Variants in SEZ6L observed in about 807,000 individuals in gnomAD.
SEZ6L encodes the protein seizure 6-like protein.
SEZ6L carries 37 observed loss-of-function variants against 106.2 expected under a neutral mutation model. The observed-to-expected ratio is 0.35, with a 90% CI of 0.27 to 0.46. The LOEUF is 0.46. Ranked by LOEUF, SEZ6L falls within the 20% of genes least tolerant of loss-of-function variation. The pLI, the probability that SEZ6L is intolerant of heterozygous loss-of-function variation, is 1.00. For synonymous variants in SEZ6L, 541 were observed against 570.4 expected, an observed-to-expected ratio of 0.95 and a Z score of 0.73; for missense variants, 1,172 against 1,332.8, an observed-to-expected ratio of 0.88 and a Z score of 1.88.
At chr22:26,242,328 T>C (rs1008711094) in intron 1 of SEZ6L, among the ~76,000 whole-genome samples, 2 of 152,238 alleles carry the variant, frequency 1.3e-5, no homozygotes, top group African/African-American at 2.4e-5. Flanking sequence ...TCATTCTGTA[T>C]GAGGCACACT....
At chr22:26,186,881 C>T (rs573592614) in intron 1 of SEZ6L, among the ~76,000 whole-genome samples, 1 of 152,030 alleles carries the variant, frequency 6.6e-6, no homozygotes, top group Non-Finnish European at 1.5e-5. Context: ...TGCTTAGGAG[C>T]ACGGGAGGGG....
chr22:26,306,295 A>G (rs1042651471), intron 6 of SEZ6L, 151 bp downstream of exon 6: 6 of 813,052 alleles, frequency 7.4e-6, no homozygotes, highest in African/African-American at 7.0e-5. Context: ...CTTAGACACC[A>G]TCAGCTTCAA....
At chr22:26,371,551 G>A (rs1419065926) in intron 13 of SEZ6L, among the ~76,000 whole-genome samples, 1 of 152,042 alleles carries the variant, frequency 6.6e-6, no homozygotes, top group African/African-American at 2.4e-5. Context: ...AGAATCGCTT[G>A]AAACCGGGAG....
intron 12 of SEZ6L, among the ~76,000 whole-genome samples, chr22:26,356,723 C>T (rs933549580): frequency 6.6e-6 from 1 of 151,296 alleles, no homozygotes; most frequent in African/African-American, 2.4e-5. Flanking sequence ...ATGTGTATAC[C>T]CGTTGGGCTG....
chr22:26,188,602 G>A (rs1011191573), intron 1 of SEZ6L, among the ~76,000 whole-genome samples: 1 of 152,182 alleles, frequency 6.6e-6, no homozygotes, highest in African/African-American at 2.4e-5. Context: ...ATATAGTGCT[G>A]TTCCCATGTA....
intron 12 of SEZ6L, among the ~76,000 whole-genome samples, chr22:26,359,620 G>A (rs1486861481): frequency 2.0e-5 from 3 of 151,908 alleles, no homozygotes; most frequent in African/African-American, 4.8e-5. Context: ...TAACCTCAGG[G>A]TCCTCAGGAC....
At chr22:26,314,986 G>A (rs2081956758) in intron 9 of SEZ6L, among the ~76,000 whole-genome samples, 1 of 152,154 alleles carries the variant, frequency 6.6e-6, no homozygotes, top group African/African-American at 2.4e-5. Context: ...GTGGTGCCTG[G>A]AGAAAGCAGA....
At chr22:26,242,093 A>G (rs1339119529) in intron 1 of SEZ6L, among the ~76,000 whole-genome samples, 1 of 152,182 alleles carries the variant, frequency 6.6e-6, no homozygotes, top group Non-Finnish European at 1.5e-5. Context: ...ACCAAATCAA[A>G]CAGCTGTCAG....
At chr22:26,218,529 TG>T (rs1267224699) in intron 1 of SEZ6L, among the ~76,000 whole-genome samples, 1 of 152,194 alleles carries the variant, frequency 6.6e-6, no homozygotes, top group Admixed American at 6.6e-5. Flanking sequence ...AGGCTGGGCG[TG>T]GTGGCTTACG....
intron 1 of SEZ6L, among the ~76,000 whole-genome samples, chr22:26,172,231 C>T (rs1938671911): frequency 6.6e-6 from 1 of 152,090 alleles, no homozygotes; most frequent in East Asian, 1.9e-4. Flanking sequence ...TTTGCTGCTT[C>T]CCCAGTCTCT....
intron 1 of SEZ6L, among the ~76,000 whole-genome samples, chr22:26,234,722 T>C (rs2067970): frequency 0.12 from 18,361 of 152,254 alleles, 1,663 homozygotes; most frequent in East Asian, 0.42. Context: ...GTAAACTATA[T>C]ACTGTGCTCT....
intron 1 of SEZ6L, among the ~76,000 whole-genome samples, chr22:26,233,205 T>C (rs2078854449): frequency 6.6e-6 from 1 of 152,234 alleles, no homozygotes; most frequent in African/African-American, 2.4e-5. Context: ...AATTAGATAT[T>C]GTCTGAAGCC....
chr22:26,302,913 TC>T (rs2081501171), intron 5 of SEZ6L, among the ~76,000 whole-genome samples: 1 of 152,192 alleles, frequency 6.6e-6, no homozygotes, highest in Admixed American at 6.5e-5. Flanking sequence ...AGGGACAGTG[TC>T]CTCCATTTCT....
intron 9 of SEZ6L, among the ~76,000 whole-genome samples, chr22:26,323,168 C>T (rs971547480): frequency 2.6e-4 from 39 of 152,166 alleles, no homozygotes; most frequent in African/African-American, 8.9e-4. Context: ...GACATAAAAG[C>T]GCCTAGAGTC....
chr22:26,291,459 G>T (rs934752055), intron 1 of SEZ6L, among the ~76,000 whole-genome samples: 1 of 26,808 alleles, frequency 3.7e-5, no homozygotes, highest in African/African-American at 7.5e-4. Flanking sequence ...GTTGGGGGAG[G>T]GGAGAGCATT....
At chr22:26,300,796 A>G (rs1449584101) in intron 5 of SEZ6L, among the ~76,000 whole-genome samples, 1 of 152,120 alleles carries the variant, frequency 6.6e-6, no homozygotes, top group Non-Finnish European at 1.5e-5. Context: ...TCTTATTTCC[A>G]TTTTTTAATC....
intron 1 of SEZ6L, among the ~76,000 whole-genome samples, chr22:26,242,330 A>T (rs2079163633): frequency 6.6e-6 from 1 of 152,218 alleles, no homozygotes; most frequent in African/African-American, 2.4e-5. Context: ...ATTCTGTATG[A>T]GGCACACTGC....
intron 1 of SEZ6L, among the ~76,000 whole-genome samples, chr22:26,230,320 A>G (rs1299681126): frequency 1.5e-5 from 1 of 66,386 alleles, no homozygotes; most frequent in Non-Finnish European, 3.3e-5. Flanking sequence ...CCATAAAGGT[A>G]AAAAAAAAAA....
At chr22:26,181,716 G>C (rs977014501) in intron 1 of SEZ6L, among the ~76,000 whole-genome samples, 4 of 152,152 alleles carry the variant, frequency 2.6e-5, no homozygotes, top group African/African-American at 9.7e-5. Flanking sequence ...GTTATGAGGT[G>C]ACTCTGTAAA....
Sources: allele counts gnomAD v4.1 joint callset (sites outside exome capture counted in the v4.1 genomes callset), GRCh38; gene constraint gnomAD v4.1.1; transcripts MANE v1.5; gene names NCBI Gene and HGNC (gene_info 2026-07-23, HGNC 2026-07-21).